PTPRN2: variants seen among roughly 807,000 people sequenced by gnomAD.
The protein encoded by PTPRN2 is receptor-type tyrosine-protein phosphatase N2.
Under a neutral mutation model 118.8 loss-of-function variants are expected in PTPRN2, and 74 were observed. The observed-to-expected ratio is 0.62, with a 90% CI of 0.52 to 0.76. The LOEUF (loss-of-function observed/expected upper bound fraction) is 0.76, where lower values mean the gene tolerates loss of function less well. Ranked by LOEUF, PTPRN2 falls within the 30% of genes least tolerant of loss-of-function variation. The pLI, the probability that PTPRN2 is intolerant of heterozygous loss-of-function variation, is 0.00. For synonymous variants in PTPRN2, 641 were observed against 608.0 expected (o/e 1.05, Z -0.80); for missense variants, 1,481 against 1,394.4 (o/e 1.06, Z -0.99).
intron 2 of PTPRN2, among the ~76,000 whole-genome samples, chr7:158,329,525 G>C (rs746383542): frequency 6.6e-6 from 1 of 152,162 alleles, no homozygotes; most frequent in African/African-American, 2.4e-5. Flanking sequence ...ATGAGGACAC[G>C]TGAGGAGGCA....
At chr7:158,040,398 TC>T (rs1808370408) in intron 11 of PTPRN2, among the ~76,000 whole-genome samples, 1 of 148,142 alleles carries the variant, frequency 6.8e-6, no homozygotes, top group Non-Finnish European at 1.5e-5. Flanking sequence ...TGCACACACT[TC>T]ACACACACAC....
At chr7:158,532,744 G>A (rs1327674888) in intron 1 of PTPRN2, 5 of 534,518 alleles carry the variant, frequency 9.4e-6, no homozygotes, top group African/African-American at 1.9e-5. Flanking sequence ...GACACACCAC[G>A]GCACACTTCA....
chr7:157,994,678 G>A lies in PTPRN2; in HGVS notation c.1723+86620C>T, dbSNP rs374789082. ...ACAGCTCCTTGTTCCTAAAATCAAC[G>A]CCGCGTCCCCAGCTTACAGCTCCTT... On this transcript the variant is annotated intron_variant, in intron 11 of 22. Transcript: ENST00000389418. Among the ~76,000 whole-genome samples the A allele has an allele frequency of 7.7e-3, 884 of 115,002 alleles. 1 individual carries two copies. Among genetic ancestry groups the A allele is most frequent in the African/African-American group, 0.013 (317 of 24,012 alleles). The allele number at this position is 115,002 out of a possible 152,430, so 75.4% of individuals were successfully genotyped here. A position where few individuals can be genotyped will look rare whatever the true frequency, so the allele number is the denominator to read the frequency against.
chr7:157,821,953 C>A (rs1437223350), intron 12 of PTPRN2, among the ~76,000 whole-genome samples: 1 of 152,004 alleles, frequency 6.6e-6, no homozygotes, highest in Non-Finnish European at 1.5e-5. Flanking sequence ...CATACACCCA[C>A]TCATCCACCC....
chr7:158,405,164 C>T (rs1002345282), intron 2 of PTPRN2, among the ~76,000 whole-genome samples: 1 of 152,150 alleles, frequency 6.6e-6, no homozygotes, highest in Non-Finnish European at 1.5e-5. Context: ...GACAGCATCA[C>T]GAACATCCAC....
intron 11 of PTPRN2, among the ~76,000 whole-genome samples, chr7:158,026,641 G>A (rs748831562): frequency 5.3e-5 from 8 of 152,300 alleles, no homozygotes; most frequent in South Asian, 2.1e-4. Flanking sequence ...GATGGTACAG[G>A]AGGGAGCTGC....
intron 12 of PTPRN2, among the ~76,000 whole-genome samples, chr7:157,722,257 G>T (rs1799281125): frequency 6.6e-6 from 1 of 152,232 alleles, no homozygotes; most frequent in Non-Finnish European, 1.5e-5. Context: ...ATGCTGCCTG[G>T]CATATTTTGG....
chr7:158,011,239 C>T (rs955297501), intron 11 of PTPRN2, among the ~76,000 whole-genome samples: 16 of 152,176 alleles, frequency 1.1e-4, no homozygotes, highest in Non-Finnish European at 2.1e-4. Flanking sequence ...CACATCAGCC[C>T]GTCTTCTCAC....
Position 157,785,965 on chromosome 7 carries a change from C to T in PTPRN2, c.1789-103028G>A, listed in dbSNP as rs1349391742. On this transcript the variant is annotated intron_variant, in intron 12 of 22. Transcript: ENST00000389418. This position sits in a 1 kb window ranked among gnomAD's most constrained non-coding sequence, Gnocchi z 7.3. ...GGGTGGGGATGGCTGCAGGGACCCC[C>T]TGGGCCGGCTCTGGGTGCTGCTGCT... Among the ~76,000 whole-genome samples the T allele has an allele frequency of 1.3e-5, 2 of 152,132 alleles. No individual in the cohort carries two copies. The highest frequency in any genetic ancestry group is 2.9e-5 in the Non-Finnish European group (2 of 68,006).
At chr7:158,366,578 G>A (rs776034649) in intron 2 of PTPRN2, among the ~76,000 whole-genome samples, 3 of 152,190 alleles carry the variant, frequency 2.0e-5, no homozygotes, top group East Asian at 1.9e-4. Context: ...AGCCCACAGC[G>A]CCTTGTTTCC....
intron 9 of PTPRN2, among the ~76,000 whole-genome samples, chr7:158,115,983 G>A (rs1816696604): frequency 6.6e-6 from 1 of 152,156 alleles, no homozygotes; most frequent in Admixed American, 6.5e-5. Context: ...GAGTAACTGG[G>A]AACTTGAGTT....
At position 158,570,090 on chromosome 7, in the gene PTPRN2, C is replaced by G. The variant is rs942902137; in HGVS notation, c.112+17468G>C. On this transcript the variant is annotated intron_variant, in intron 1 of 22. Transcript: ENST00000389418. This position sits in a 1 kb window ranked among gnomAD's most constrained non-coding sequence, Gnocchi z 4.5. ...GTTTCCCCCAGGCAGGGGGAAGCCC[C>G]GAGAAGCCGCCGCGCCGGGCTGAGA... Among the ~76,000 whole-genome samples the G allele has an allele frequency of 1.3e-5, 2 of 152,156 alleles. No homozygotes were observed. Among genetic ancestry groups the G allele is most frequent in the Admixed American group, 6.5e-5 (1 of 15,284 alleles).
At chr7:158,170,045 T>C (rs1490609701) in intron 5 of PTPRN2, among the ~76,000 whole-genome samples, 2 of 152,220 alleles carry the variant, frequency 1.3e-5, no homozygotes, top group Non-Finnish European at 2.9e-5. Flanking sequence ...ACTATAGCTA[T>C]CATCCAAATT....
At chr7:157,810,235 C>T (rs1428806425) in intron 12 of PTPRN2, among the ~76,000 whole-genome samples, 1 of 152,252 alleles carries the variant, frequency 6.6e-6, no homozygotes, top group Non-Finnish European at 1.5e-5. Context: ...GAGCACAGAA[C>T]TTCACAACAC....
In PTPRN2 at chr7:158,167,029, G is replaced by A. The variant is rs1313616960; in HGVS notation, c.812C>T (p.Ala271Val). The A allele has an allele frequency of 1.3e-6, 2 of 1,518,754 alleles. No individual in the cohort carries two copies. Among genetic ancestry groups the A allele is most frequent in the South Asian group, 1.3e-5 (1 of 77,584 alleles). 94.1% of individuals were successfully genotyped at this position (1,518,754 alleles called of 1,614,324 possible). The stretch of plus-strand genomic sequence containing the variant: ...CAAAGGCCTGGGCATTCTTGAGGGT[G>A]CACGCAGAAGGTACTGTGGCTCCAG... Reference protein sequence around the residue: ...GSLEPQYLLRAPSRMPRPLLA... With the variant: ...GSLEPQYLLRVPSRMPRPLLA... The change falls in exon 6 of 23, where the codon GCA becomes GTA. Residue 271 changes from alanine to valine, a missense_variant. Physicochemically the swap from Ala to Val is moderately conservative, Grantham distance 64. Around this residue, in one of 3 missense-constraint regions of PTPRN2, gnomAD observed 1,115 missense variants for 994.2 expected, o/e 1.12. Transcript: ENST00000389418.
rs1003269306 is a variant in PTPRN2, at chr7:157,627,486, G to A, written c.2197-5977C>T. Among the ~76,000 whole-genome samples the A allele has an allele frequency of 2.6e-5, 4 of 152,198 alleles. No individual in the cohort carries two copies. Among genetic ancestry groups the A allele is most frequent in the Admixed American group, 2.0e-4 (3 of 15,284 alleles). ...AGTGCTTAGGGAAGTTGGAGTTGCT[G>A]TCTGTTCCCTGATCCTTAGGAAGCG... On this transcript the variant is annotated intron_variant, in intron 14 of 22. Coordinates refer to ENST00000389418, the MANE Select transcript of PTPRN2 (RefSeq NM_002847.5). The surrounding 1 kb of genome is among the most constrained non-coding windows in gnomAD (Gnocchi z 4.2).
At chr7:158,132,635 G>A (rs1251134748) in intron 9 of PTPRN2, among the ~76,000 whole-genome samples, 1 of 149,318 alleles carries the variant, frequency 6.7e-6, no homozygotes, top group African/African-American at 2.5e-5. Flanking sequence ...CATATACACA[G>A]ATGCAGATAC....
At chr7:158,219,325 A>G (rs1278102669) in intron 3 of PTPRN2, among the ~76,000 whole-genome samples, 2 of 152,190 alleles carry the variant, frequency 1.3e-5, no homozygotes, top group Non-Finnish European at 2.9e-5. Flanking sequence ...CTTTTGGGTA[A>G]AGAATGAAAT....
At chr7:158,327,172 C>T (rs914395344) in intron 2 of PTPRN2, among the ~76,000 whole-genome samples, 1 of 151,490 alleles carries the variant, frequency 6.6e-6, no homozygotes, top group Non-Finnish European at 1.5e-5. Flanking sequence ...CTCACATGCA[C>T]ACACACATGC....
Sources: allele counts gnomAD v4.1 joint callset (sites outside exome capture counted in the v4.1 genomes callset), GRCh38; gene constraint gnomAD v4.1.1; regional missense constraint gnomAD v4.1.1; non-coding constraint Gnocchi (gnomAD v3.1); transcripts MANE v1.5; gene names NCBI Gene and HGNC (gene_info 2026-07-23, HGNC 2026-07-21).